The following CNTRL variants were observed in gnomAD, a reference collection of about 807,000 sequenced individuals.
The protein encoded by CNTRL is centriolin.
In CNTRL, 233 loss-of-function variants were observed where a neutral mutation model predicts 303.7. That is an observed-to-expected ratio of 0.77 (90% confidence interval 0.69 to 0.86). CNTRL has a LOEUF of 0.86. Ranked by LOEUF, CNTRL falls within the 40% of genes least tolerant of loss-of-function variation. The pLI is 0.00. For synonymous variants in CNTRL, 900 were observed against 922.2 expected (o/e 0.98, Z 0.44); for missense variants, 2,524 against 2,650.6 (o/e 0.95, Z 1.05).
rs1460993445 is a variant in CNTRL, at chr9:121,146,685, CAAAGAGTTCATTGGCCATGCCAG to C, written c.3459+430_3459+452del. Among the ~76,000 whole-genome samples the C allele has an allele frequency of 5.3e-5, 8 of 152,202 alleles. 1 individual carries two copies. Among genetic ancestry groups the C allele is most frequent in the Non-Finnish European group, 5.9e-5 (4 of 68,032 alleles). Reference sequence around the variant, plus strand: ...CAATGAATGGTAAAGCCCCTGCTCTCAAAGAGTTCATTGGCCATGCCAGCATAATTGCAAAATGGTGACATACC... The same window carrying C: ...CAATGAATGGTAAAGCCCCTGCTCTCCATAATTGCAAAATGGTGACATACC... On this transcript the variant is annotated intron_variant, in intron 23 of 43. Transcript: ENST00000373855.
intron 7 of CNTRL, among the ~76,000 whole-genome samples, 167 bp downstream of exon 7, chr9:121,098,739 G>C (rs990280945): frequency 6.6e-6 from 1 of 152,024 alleles, no homozygotes; most frequent in East Asian, 1.9e-4. Flanking sequence ...CTGTGCACCA[G>C]GCAACTGGAT....
At chr9:121,154,092 G>A (rs2052433668) in intron 26 of CNTRL, among the ~76,000 whole-genome samples, 1 of 152,138 alleles carries the variant, frequency 6.6e-6, no homozygotes, top group Non-Finnish European at 1.5e-5. Flanking sequence ...AATGTCCCAA[G>A]AAGAAAGTAA....
chr9:121,144,782 A>G, intron 20 of CNTRL, 61 bp from the exon 21 acceptor site: 2 of 1,271,050 alleles, frequency 1.6e-6, no homozygotes, highest in Non-Finnish European at 1.1e-6. Context: ...TCCAAGAGGA[A>G]GAAATGAAGA....
chr9:121,144,256 T>G (rs1201739873), intron 20 of CNTRL, among the ~76,000 whole-genome samples, 174 bp downstream of exon 20: 1 of 152,126 alleles, frequency 6.6e-6, no homozygotes, highest in East Asian at 1.9e-4. Flanking sequence ...CCCCAATAAT[T>G]TATTTTGTGC....
chr9:121,177,019 TTG>T (rs2053554910), intron 43 of CNTRL, 142 bp from the exon 44 acceptor site: 1 of 670,454 alleles, frequency 1.5e-6, no homozygotes, highest in African/African-American at 1.9e-5. Flanking sequence ...TCTCAGAATT[TTG>T]TACACTGGTT....
intron 32 of CNTRL, among the ~76,000 whole-genome samples, chr9:121,160,559 G>A (rs2052798204): frequency 6.6e-6 from 1 of 152,214 alleles, no homozygotes; most frequent in Non-Finnish European, 1.5e-5. Flanking sequence ...ATCAATTGAG[G>A]TATAAACTGG....
chr9:121,079,511 A>G (rs1184209532), intron 1 of CNTRL, among the ~76,000 whole-genome samples: 1 of 152,178 alleles, frequency 6.6e-6, no homozygotes, highest in Non-Finnish European at 1.5e-5. Flanking sequence ...CCAAAAAAAT[A>G]AAAATAAAGT....
rs771697043 is a variant in CNTRL at position 121,168,237 on chromosome 9, G to C, written c.5986G>C (p.Val1996Leu). ...KSKLDQVLSK[V>L]LAAEERVRTL... ...CAAACTGGACCAAGTGCTCTCAAAG[G>C]TGCTGGCAGCTGAAGAGCGTGTTAG... The change falls in exon 38 of 44, where the codon GTG becomes CTG. Residue 1996 changes from valine to leucine, a missense_variant. Val to Leu is a conservative substitution (Grantham distance 32). Transcript: ENST00000373855. The C allele has an allele frequency of 6.2e-7, 1 of 1,614,166 alleles. No individual in the cohort carries two copies. Among genetic ancestry groups the C allele is most frequent in the Non-Finnish European group, 8.5e-7 (1 of 1,180,028 alleles).
chr9:121,169,667 G>A lies in CNTRL; in HGVS notation c.6127G>A (p.Ala2043Thr), dbSNP rs778845048. ...GGTGGAGAAATCAGGTGAGCTGTTGGCCCTCCAGAAAGAGGCAGATTCTAT... is the reference window on the plus strand; with the variant it reads ...GGTGGAGAAATCAGGTGAGCTGTTGACCCTCCAGAAAGAGGCAGATTCTAT... ...QLVEKSGELL[A>T]LQKEADSMRA... Residue 2043 changes from alanine (A) to threonine (T), a missense_variant, in exon 39 of 44, where the codon GCC becomes ACC. Transcript: ENST00000373855. 14 of 1,614,162 alleles carry A rather than the reference G, an allele frequency of 8.7e-6. No individual in the cohort carries two copies. In the South Asian group the frequency reaches 1.2e-4, roughly 14 times the overall value.
In CNTRL at chr9:121,171,380, CAG is replaced by C. The variant is rs767871887; in HGVS notation, c.6277-25_6277-24del. ...AACCACACCTCCATGTGTTAGATCG[CAG>C]AGTTATTTTCTTCCTCCTGTGCTAG... On this transcript the variant is annotated intron_variant, in intron 39 of 43. Coordinates refer to ENST00000373855, the MANE Select transcript of CNTRL (RefSeq NM_007018.6). 8.1e-6 allele frequency: 13 copies of C among 1,613,322 alleles called. No homozygotes were observed. The South Asian group carries it at 1.1e-4, about 14-fold the overall frequency.
intron 11 of CNTRL, among the ~76,000 whole-genome samples, chr9:121,117,032 A>G (rs1243735903): frequency 6.6e-6 from 1 of 152,254 alleles, no homozygotes; most frequent in Non-Finnish European, 1.5e-5. Flanking sequence ...GATACTTCCA[A>G]AATATGCTTG....
At chr9:121,088,609 C>A (rs992524273) in intron 3 of CNTRL, 66 bp downstream of exon 3, 14 of 1,084,206 alleles carry the variant, frequency 1.3e-5, no homozygotes, top group Admixed American at 2.3e-5. Flanking sequence ...AAATTTTCGG[C>A]TTGCATTTTT....
At chr9:121,140,188 C>G (rs1393666285) in intron 16 of CNTRL, among the ~76,000 whole-genome samples, 2 of 152,162 alleles carry the variant, frequency 1.3e-5, no homozygotes, top group East Asian at 3.8e-4. Flanking sequence ...AGCATAGACC[C>G]CAGCCCTGAT....
At chr9:121,131,153 G>C (rs2050830289) in intron 14 of CNTRL, among the ~76,000 whole-genome samples, 1 of 152,178 alleles carries the variant, frequency 6.6e-6, no homozygotes, top group South Asian at 2.1e-4. Context: ...AGGTCTGCTT[G>C]GTGCAGAGCT....
rs1156909439 is a variant in CNTRL at position 121,157,489 on chromosome 9, A to G, written c.4385A>G (p.Lys1462Arg). 6.2e-7 allele frequency: 1 copy of G among 1,613,694 alleles called. No homozygotes were observed. Among genetic ancestry groups the G allele is most frequent in the Non-Finnish European group, 8.5e-7 (1 of 1,179,936 alleles). Residue 1462 changes from lysine to arginine, a missense_variant, in exon 28 of 44, where the codon AAG (lysine) becomes AGG (arginine). Transcript: ENST00000373855. Reference protein sequence around the residue: ...TKEKTKNAVEKFTDAKRSLLQ... With the variant: ...TKEKTKNAVERFTDAKRSLLQ... ...TTCTAGACAAAAAATGCTGTTGAAA[A>G]GTTCACTGATGCCAAGAGAAGTTTA...
At chr9:121,091,896 T>C (rs2048589485) in intron 4 of CNTRL, among the ~76,000 whole-genome samples, 1 of 145,476 alleles carries the variant, frequency 6.9e-6, no homozygotes, top group African/African-American at 2.5e-5. Flanking sequence ...TTTTTTTTTT[T>C]TTTTTTTTTT....
At chr9:121,112,703 G>C (rs2049801693) in intron 9 of CNTRL, 125 bp downstream of exon 9, 3 of 989,106 alleles carry the variant, frequency 3.0e-6, no homozygotes, top group Non-Finnish European at 1.5e-6. Flanking sequence ...TGTTATGAGA[G>C]GATTAAACTG....
intron 19 of CNTRL, among the ~76,000 whole-genome samples, chr9:121,143,165 C>T (rs1468774840): frequency 6.6e-6 from 1 of 152,220 alleles, no homozygotes; most frequent in East Asian, 1.9e-4. Flanking sequence ...TCATTCCTCA[C>T]ACCTGCTGTC....
In CNTRL at chr9:121,167,541, G is replaced by A. The variant is rs768814736; in HGVS notation, c.5708G>A (p.Arg1903Gln). 9.9e-6 allele frequency: 16 copies of A among 1,613,892 alleles called. No homozygotes were observed. The South Asian group carries it at 1.4e-4, about 14-fold the overall frequency. Residue 1903 changes from arginine to glutamine, a missense_variant, in exon 37 of 44, where the codon CGA (arginine) becomes CAA (glutamine). Arg to Gln is a conservative substitution (Grantham distance 43, BLOSUM62 1). Transcript: ENST00000373855. ...HQDVLLSEQT[R>Q]LQKDISEWAN... ...GATGTGTTGCTCAGTGAGCAGACCC[G>A]ACTCCAGAAGGACATCAGTGAATGG... is the stretch of plus-strand genomic sequence containing the variant.
Sources: gnomAD v4.1 joint callset for allele counts (sites outside exome capture counted in the v4.1 genomes callset) on GRCh38, gnomAD v4.1.1 for gene constraint, MANE v1.5 for transcripts, NCBI Gene and HGNC (gene_info 2026-07-23, HGNC 2026-07-21) for gene names.